Variants in MPHOSPH9 observed in about 807,000 individuals in gnomAD.
MPHOSPH9 encodes M-phase phosphoprotein 9.
Under a neutral mutation model 145.5 loss-of-function variants are expected in MPHOSPH9, and 88 were observed. The ratio of observed to expected loss-of-function variants is 0.60; its 90% CI spans 0.51 to 0.72. The LOEUF is 0.72. Ranked by LOEUF, MPHOSPH9 falls within the 30% of genes least tolerant of loss-of-function variation. The pLI is 0.00. For synonymous variants in MPHOSPH9, 435 were observed against 486.2 expected, an observed-to-expected ratio of 0.89 and a Z score of 1.39; for missense variants, 1,238 against 1,386.6, an observed-to-expected ratio of 0.89 and a Z score of 1.70.
Position 123,165,465 on chromosome 12 carries a change from A to G in MPHOSPH9, c.2604T>C (p.Pro868=). 2.5e-6 allele frequency: 4 copies of G among 1,613,604 alleles called. No individual in the cohort carries two copies. In the South Asian group the frequency reaches 4.4e-5, roughly 18 times the overall value. The part of the protein sequence containing the change: ...EETCSLGHRS[P]LEKDSSPGSS... ...TTCCAGGTGAAGAATCCTTTTCCAG[A>G]GGTGAACGGTGCCTTAAACAATAAT... is the stretch of plus-strand genomic sequence containing the variant. Residue 868 remains proline, a synonymous_variant, in exon 18 of 24, where the codon CCT becomes CCC. Transcript: ENST00000606320.
In MPHOSPH9 at chr12:123,161,165, A is replaced by G; in HGVS notation, c.3352T>C (p.Phe1118Leu). 6.2e-7 allele frequency: 1 copy of G among 1,613,936 alleles called. No individual in the cohort carries two copies. Among genetic ancestry groups the G allele is most frequent in the Non-Finnish European group, 8.5e-7 (1 of 1,179,970 alleles). ...TCCTTTTCTTTTGTAAGTTCATCAAAAAATCGTTCTGTTTCAGCTAGGGTC... is the reference window on the plus strand; with the variant it reads ...TCCTTTTCTTTTGTAAGTTCATCAAGAAATCGTTCTGTTTCAGCTAGGGTC... ...IRTLAETERFFDELTKEKDQI... is the reference protein window; with the variant it reads ...IRTLAETERFLDELTKEKDQI... The change falls in exon 22 of 24, where the codon TTT becomes CTT. Residue 1118 changes from phenylalanine to leucine, a missense_variant. This residue lies in a region of MPHOSPH9 where 393 missense variants were observed against 462.5 expected (regional missense o/e 0.85). Transcript: ENST00000606320.
Position 123,159,570 on chromosome 12 carries a change from G to C in MPHOSPH9, c.3450+1211C>G, listed in dbSNP as rs1234577703. ...TACACGGCAGGTAGGAGTAGAAATT[G>C]TCTCAAACATCCTGGGTTACAACTT... On this transcript the variant is annotated intron_variant, in intron 23 of 23. Transcript: ENST00000606320. The surrounding 1 kb of genome is among the most constrained non-coding windows in gnomAD (Gnocchi z 4.3). The C allele has an allele frequency of 6.6e-6, 1 of 152,076 alleles. No individual in the cohort carries two copies. The highest frequency in any genetic ancestry group is 1.9e-4 in the East Asian group (1 of 5,200). 9.4% of individuals were successfully genotyped at this position (152,076 alleles called of 1,614,324 possible).
At chr12:123,196,034 CAAAA>C (rs571566355) in intron 12 of MPHOSPH9, among the ~76,000 whole-genome samples, 1 of 131,752 alleles carries the variant, frequency 7.6e-6, no homozygotes, top group African/African-American at 2.9e-5. Context: ...GACCCTGTCT[CAAAA>C]AAAAAAAAGG....
rs117059955 is a variant in MPHOSPH9, at chr12:123,203,275, G to A, written c.1295C>T (p.Ala432Val). The A allele has an allele frequency of 1.8e-3, 2,963 of 1,613,908 alleles. 9 individuals are homozygous for A. Among genetic ancestry groups the A allele is most frequent in the Non-Finnish European group, 2.1e-3 (2,427 of 1,179,964 alleles). ...KQLPERNLTSASNPNHPPEVL... is the reference protein window; with the variant it reads ...KQLPERNLTSVSNPNHPPEVL... ...CTCTGGTGGATGATTTGGGTTGGAA[G>A]CAGAAGTGAGATTCCTCTCAGGTAA... The change falls in exon 9 of 24, where the codon GCT becomes GTT. Residue 432 changes from alanine to valine, a missense_variant. Ala to Val is a moderately conservative substitution (Grantham distance 64). Transcript: ENST00000606320.
chr12:123,243,261 T>G (rs1454100488), intron 1 of MPHOSPH9, among the ~76,000 whole-genome samples: 1 of 150,558 alleles, frequency 6.6e-6, no homozygotes, highest in Non-Finnish European at 1.5e-5. Context: ...CTGGGCGCAA[T>G]GGCTCACGCC....
chr12:123,162,124 C>A lies in MPHOSPH9; in HGVS notation c.3124G>T (p.Asp1042Tyr), dbSNP rs1425807978. Reference sequence around the variant, plus strand: ...TTTTAGGAAAAGATACCTTCCGAGTCATCTAGAGGAAGAAACTGGAGTTGC... The same window carrying A: ...TTTTAGGAAAAGATACCTTCCGAGTAATCTAGAGGAAGAAACTGGAGTTGC... ...RKQLQFLPLD[D>Y]SEEKTYSEKA... The change falls in exon 21 of 24, where the codon GAC (aspartate) becomes TAC (tyrosine). Residue 1042 changes from aspartate to tyrosine, a missense_variant. Physicochemically the swap from Asp to Tyr is radical, Grantham distance 160. Transcript: ENST00000606320. The A allele has an allele frequency of 1.3e-6, 2 of 1,563,678 alleles. No homozygotes were observed. Among genetic ancestry groups the A allele is most frequent in the Admixed American group, 1.8e-5 (1 of 56,710 alleles).
At chr12:123,189,649 T>C (rs1411637232) in intron 13 of MPHOSPH9, among the ~76,000 whole-genome samples, 2 of 152,040 alleles carry the variant, frequency 1.3e-5, no homozygotes, top group Non-Finnish European at 2.9e-5. Flanking sequence ...AAAGACAGTA[T>C]TAAGGCCGGG....
At chr12:123,223,216 T>C in intron 3 of MPHOSPH9, 89 bp from the exon 4 acceptor site, 1 of 772,350 alleles carries the variant, frequency 1.3e-6, no homozygotes, top group South Asian at 3.1e-5. Context: ...GAGCCCTTTT[T>C]AGGTCATGAT....
At chr12:123,196,998 C>T (rs1032175278) in intron 12 of MPHOSPH9, among the ~76,000 whole-genome samples, 4 of 138,036 alleles carry the variant, frequency 2.9e-5, no homozygotes, top group African/African-American at 1.1e-4. Context: ...TGTGGAAGGA[C>T]AGAATGTGGG....
intron 7 of MPHOSPH9, among the ~76,000 whole-genome samples, chr12:123,212,863 CTTTT>C (rs1321106569): frequency 9.4e-6 from 1 of 106,618 alleles, no homozygotes; most frequent in Non-Finnish European, 1.9e-5. Flanking sequence ...TTCTGTTATT[CTTTT>C]TTTTTTTTTT....
In MPHOSPH9 at chr12:123,194,765, C is replaced by T. The variant is rs545894220; in HGVS notation, c.2026-164G>A. Reference sequence around the variant, plus strand: ...GCCTCCCGAGAGCTGCGATTACAGGCGCCCACCATCACCCCTGGCTAATTT... The same window carrying T: ...GCCTCCCGAGAGCTGCGATTACAGGTGCCCACCATCACCCCTGGCTAATTT... On this transcript the variant is annotated intron_variant, in intron 12 of 23. Transcript: ENST00000606320. 1.2e-4 allele frequency among the ~76,000 whole-genome samples: 18 copies of T among 151,818 alleles called. No individual in the cohort carries two copies. The South Asian group carries it at 2.7e-3, about 23-fold the overall frequency.
chr12:123,196,121 G>A (rs770151029), intron 12 of MPHOSPH9, among the ~76,000 whole-genome samples: 3 of 151,936 alleles, frequency 2.0e-5, no homozygotes, highest in Admixed American at 6.6e-5. Context: ...AGGCCGAAGC[G>A]GGCAGATCAC....
At chr12:123,217,614 C>G (rs1292613751) in intron 6 of MPHOSPH9, among the ~76,000 whole-genome samples, 1 of 152,074 alleles carries the variant, frequency 6.6e-6, no homozygotes, top group Non-Finnish European at 1.5e-5. Context: ...ATTTGCAGTA[C>G]AAAGAGAAAT....
intron 11 of MPHOSPH9, among the ~76,000 whole-genome samples, chr12:123,201,410 C>T (rs934298675): frequency 1.4e-4 from 21 of 152,110 alleles, no homozygotes; most frequent in South Asian, 2.1e-4. Flanking sequence ...GACAGGGTGT[C>T]GCTCTGTCAC....
chr12:123,193,106 TATAC>T (rs1211411871), intron 13 of MPHOSPH9, among the ~76,000 whole-genome samples: 10 of 97,240 alleles, frequency 1.0e-4, no homozygotes, highest in African/African-American at 4.5e-4. Context: ...AATATATATA[TATAC>T]ACACACACAC....
chr12:123,220,078 C>T (rs577497876), intron 5 of MPHOSPH9, among the ~76,000 whole-genome samples: 40 of 151,860 alleles, frequency 2.6e-4, no homozygotes, highest in African/African-American at 9.4e-4. Context: ...CCTGTAGTCC[C>T]AGCTACTCAG....
chr12:123,186,124 G>A (rs2045431395), intron 13 of MPHOSPH9, among the ~76,000 whole-genome samples: 1 of 151,766 alleles, frequency 6.6e-6, no homozygotes, highest in South Asian at 2.1e-4. Context: ...CTACTTGGGA[G>A]GCTGAGGCGG....
At chr12:123,193,434 C>T (rs1225904024) in intron 13 of MPHOSPH9, among the ~76,000 whole-genome samples, 1 of 152,046 alleles carries the variant, frequency 6.6e-6, no homozygotes, top group East Asian at 1.9e-4. Flanking sequence ...AAAATTTCAA[C>T]AGCCTAAATA....
At chr12:123,205,718 C>T (rs932905959) in intron 8 of MPHOSPH9, among the ~76,000 whole-genome samples, 1 of 152,136 alleles carries the variant, frequency 6.6e-6, no homozygotes, top group African/African-American at 2.4e-5. Context: ...CTACTCAAAG[C>T]TCATGGGAAT....
Sources: allele counts gnomAD v4.1 joint callset (sites outside exome capture counted in the v4.1 genomes callset), GRCh38; gene constraint gnomAD v4.1.1; regional missense constraint gnomAD v4.1.1; non-coding constraint Gnocchi (gnomAD v3.1); transcripts MANE v1.5; gene names NCBI Gene and HGNC (gene_info 2026-07-23, HGNC 2026-07-21).